SLC1A3: variants seen among roughly 807,000 people sequenced by gnomAD.
SLC1A3 encodes solute carrier family 1 member 3.
Under a neutral mutation model 48.1 loss-of-function variants are expected in SLC1A3, and 21 were observed. The observed-to-expected ratio is 0.44, with a 90% confidence interval of 0.31 to 0.63. SLC1A3 has a LOEUF of 0.63. Ranked by LOEUF, SLC1A3 falls within the 20% of genes least tolerant of loss-of-function variation. The pLI is 0.08. For synonymous variants in SLC1A3, 239 were observed against 251.4 expected (o/e 0.95, Z 0.47); for missense variants, 546 against 689.0 (o/e 0.79, Z 2.32).
At chr5:36,612,754 A>T in intron 2 of SLC1A3, 1 of 455,616 alleles carries the variant, frequency 2.2e-6, no homozygotes, top group Non-Finnish European at 4.4e-6. Flanking sequence ...AGATGAAAAA[A>T]CTGAAGCCCA....
At chr5:36,679,900 C>T (rs1444291203) in intron 7 of SLC1A3, 40 bp downstream of exon 7, 5 of 1,449,616 alleles carry the variant, frequency 3.4e-6, no homozygotes, top group African/African-American at 1.4e-5. Context: ...GAAATGTTAC[C>T]TTGAACCAGG....
At chr5:36,680,638 C>G (rs1480220537) in intron 8 of SLC1A3, 49 bp downstream of exon 8, 1 of 1,522,500 alleles carries the variant, frequency 6.6e-7, no homozygotes, top group Non-Finnish European at 9.1e-7. Flanking sequence ...GCCTTTAAGG[C>G]TGGGCGTGGT....
chr5:36,644,659 C>A (rs993715881), intron 3 of SLC1A3, among the ~76,000 whole-genome samples: 1 of 152,134 alleles, frequency 6.6e-6, no homozygotes, highest in Non-Finnish European at 1.5e-5. Flanking sequence ...GTGGACTATT[C>A]TAAATGATTA....
chr5:36,652,179 G>A (rs1039348602), intron 3 of SLC1A3, among the ~76,000 whole-genome samples: 46 of 152,186 alleles, frequency 3.0e-4, no homozygotes, highest in African/African-American at 1.1e-3. Flanking sequence ...ACATGAAGTC[G>A]TGTGTGCCTG....
At chr5:36,658,533 G>T (rs573268337) in intron 3 of SLC1A3, among the ~76,000 whole-genome samples, 29 of 152,238 alleles carry the variant, frequency 1.9e-4, no homozygotes, top group African/African-American at 7.0e-4. Context: ...GACTTGCTTT[G>T]GGTTCCTCCA....
intron 2 of SLC1A3, among the ~76,000 whole-genome samples, chr5:36,610,845 A>G (rs916581403): frequency 4.6e-5 from 7 of 152,156 alleles, no homozygotes; most frequent in Non-Finnish European, 1.0e-4. Flanking sequence ...GGCTTTACTA[A>G]TGGAAACTGA....
rs555530270 is a variant in SLC1A3, at chr5:36,657,263, T to C, written c.320-13766T>C. On this transcript the variant is annotated intron_variant, in intron 3 of 9. Coordinates refer to ENST00000265113, the MANE Select transcript of SLC1A3 (RefSeq NM_004172.5). ...ATAGCTTCATGTGCTATAGGGAATT[T>C]TTTTGTTTAAAAAGTGCTCCCTTTC... is the stretch of plus-strand genomic sequence containing the variant. Among the ~76,000 whole-genome samples the C allele has an allele frequency of 3.3e-5, 5 of 152,356 alleles. No homozygotes were observed. In the East Asian group the frequency reaches 9.6e-4, roughly 29 times the overall value.
At chr5:36,682,640 T>C (rs1394132495) in intron 8 of SLC1A3, among the ~76,000 whole-genome samples, 1 of 152,252 alleles carries the variant, frequency 6.6e-6, no homozygotes, top group Non-Finnish European at 1.5e-5. Flanking sequence ...TGATAGGTGC[T>C]CTGTGGTATA....
At chr5:36,641,724 G>C (rs1028535432) in intron 3 of SLC1A3, among the ~76,000 whole-genome samples, 3 of 152,142 alleles carry the variant, frequency 2.0e-5, no homozygotes, top group Non-Finnish European at 4.4e-5. Context: ...GATAGTTTTA[G>C]AGCCAGACAT....
Position 36,608,556 on chromosome 5 carries a change from C to G in SLC1A3, c.133C>G (p.Leu45Val), listed in dbSNP as rs1739059044. 2 of 1,613,990 alleles carry G rather than the reference C, an allele frequency of 1.2e-6. No individual in the cohort carries two copies. The highest frequency in any genetic ancestry group is 8.5e-7 in the Non-Finnish European group (1 of 1,179,914). Residue 45 changes from leucine (L) to valine (V), a missense_variant, in exon 2 of 10, where the codon CTG becomes GTG. Leu to Val is a conservative substitution (Grantham distance 32). Coordinates refer to ENST00000265113, the MANE Select transcript of SLC1A3 (RefSeq NM_004172.5). Reference protein sequence around the residue: ...NITKEDVKSYLFRNAFVLLTV... With the variant: ...NITKEDVKSYVFRNAFVLLTV... ...TACAAAGGAGGATGTTAAAAGTTAC[C>G]TGTTTCGGAATGCTTTTGTGCTGCT... is the stretch of plus-strand genomic sequence containing the variant.
intron 9 of SLC1A3, among the ~76,000 whole-genome samples, chr5:36,685,249 C>T (rs9283745): frequency 0.85 from 129,577 of 152,216 alleles, 55,241 homozygotes; most frequent in Middle Eastern, 0.9. Flanking sequence ...TTGCAAAAAA[C>T]AACCATTTCG....
intron 3 of SLC1A3, among the ~76,000 whole-genome samples, chr5:36,647,635 C>T (rs1044853083): frequency 6.6e-6 from 1 of 152,104 alleles, no homozygotes; most frequent in Non-Finnish European, 1.5e-5. Context: ...TTCTCACAAC[C>T]GAAGAGCACT....
intron 3 of SLC1A3, among the ~76,000 whole-genome samples, chr5:36,663,234 G>A (rs1741587318): frequency 6.6e-6 from 1 of 151,810 alleles, no homozygotes; most frequent in Non-Finnish European, 1.5e-5. Context: ...TTTGTTTTTA[G>A]AGACGGAGTC....
At chr5:36,673,850 C>G (rs1742094661) in intron 4 of SLC1A3, among the ~76,000 whole-genome samples, 199 bp from the exon 5 acceptor site, 1 of 152,084 alleles carries the variant, frequency 6.6e-6, no homozygotes, top group Admixed American at 6.6e-5. Flanking sequence ...GTTTGGACTC[C>G]CCTGAAAATA....
intron 6 of SLC1A3, among the ~76,000 whole-genome samples, chr5:36,678,746 A>G (rs541543561): frequency 7.2e-5 from 11 of 152,336 alleles, no homozygotes; most frequent in Admixed American, 2.6e-4. Context: ...TTCAACATGT[A>G]GAAATCATTT....
At chr5:36,642,369 A>C (rs983578555) in intron 3 of SLC1A3, among the ~76,000 whole-genome samples, 1 of 152,218 alleles carries the variant, frequency 6.6e-6, no homozygotes, top group Non-Finnish European at 1.5e-5. Context: ...TCAAGTACTC[A>C]AAACATACTT....
chr5:36,639,474 C>T (rs1740527365), intron 3 of SLC1A3, among the ~76,000 whole-genome samples: 1 of 152,216 alleles, frequency 6.6e-6, no homozygotes, highest in Non-Finnish European at 1.5e-5. Flanking sequence ...TGTCTTATCA[C>T]TGAATGATTA....
chr5:36,636,593 C>T (rs1374541224), intron 3 of SLC1A3, among the ~76,000 whole-genome samples: 9 of 112,528 alleles, frequency 8.0e-5, no homozygotes, highest in African/African-American at 1.3e-4. Context: ...TTCTTCCTTT[C>T]TTCTTTCTTT....
chr5:36,670,732 C>T (rs749422345), intron 3 of SLC1A3: 155 of 460,282 alleles, frequency 3.4e-4, no homozygotes, highest in Non-Finnish European at 8.9e-5. Context: ...AGGAAACAAT[C>T]TGATTGCACT....
Sources: allele counts gnomAD v4.1 joint callset (sites outside exome capture counted in the v4.1 genomes callset), GRCh38; gene constraint gnomAD v4.1.1; transcripts MANE v1.5; gene names NCBI Gene and HGNC (gene_info 2026-07-23, HGNC 2026-07-21).